The following MTOR variants were observed in gnomAD, a reference collection of about 807,000 sequenced individuals.
MTOR encodes the protein serine/threonine-protein kinase mTOR.
A neutral mutation model predicts 319.8 loss-of-function variants in MTOR; 70 were observed. The ratio of observed to expected loss-of-function variants is 0.22; its 90% CI spans 0.18 to 0.27. MTOR has a LOEUF of 0.27. Among genes scored for constraint, MTOR ranks in the 10% least tolerant of loss-of-function variants. The pLI is 1.00. For missense variants in MTOR, 1,890 were observed against 3,274.4 expected, an observed-to-expected ratio of 0.58 and a Z score of 10.32; for synonymous variants, 1,183 against 1,211.4, an observed-to-expected ratio of 0.98 and a Z score of 0.49.
At chr1:11,221,611 G>A (rs755866363) in intron 19 of MTOR, among the ~76,000 whole-genome samples, 97 of 151,068 alleles carry the variant, frequency 6.4e-4, no homozygotes, top group Non-Finnish European at 1.2e-3. Context: ...AAAGTCTACC[G>A]GGCCATGTAA....
At chr1:11,258,742 A>C (rs1378697873) in intron 2 of MTOR, 149 bp from the exon 3 acceptor site, 1 of 604,208 alleles carries the variant, frequency 1.7e-6, no homozygotes, top group East Asian at 2.8e-5. Context: ...CTATAGGATT[A>C]CACTGTAGAG....
chr1:11,154,079 A>AAAAAAAAAC, intron 30 of MTOR, among the ~76,000 whole-genome samples: 1 of 137,158 alleles, frequency 7.3e-6, no homozygotes, highest in African/African-American at 2.9e-5. Context: ...AAAAAAAAAA[A>AAAAAAAAAC]AAAAAAAAAA....
intron 25 of MTOR, 81 bp from the exon 26 acceptor site, chr1:11,204,784 T>G (rs1179077084): frequency 3.5e-6 from 5 of 1,429,612 alleles, no homozygotes; most frequent in Non-Finnish European, 3.8e-6. Context: ...TAATGATTAT[T>G]CTACTTTTAG....
At chr1:11,214,426 T>C (rs1416798085) in intron 20 of MTOR, among the ~76,000 whole-genome samples, 1 of 152,170 alleles carries the variant, frequency 6.6e-6, no homozygotes, top group African/African-American at 2.4e-5. Flanking sequence ...GGAAAAGATA[T>C]CATTTCTATC....
intron 25 of MTOR, 57 bp downstream of exon 25, chr1:11,209,255 G>T: frequency 6.2e-7 from 1 of 1,606,750 alleles, no homozygotes; most frequent in South Asian, 1.1e-5. Context: ...TAAAAGTTTT[G>T]AGTAAGTGAG....
chr1:11,147,603 A>C (rs1252712344), intron 31 of MTOR, among the ~76,000 whole-genome samples: 4 of 152,234 alleles, frequency 2.6e-5, no homozygotes, highest in African/African-American at 9.6e-5. Context: ...ACAAGCAAAT[A>C]GCTAACAATG....
chr1:11,256,242 C>G (rs1386057064), intron 4 of MTOR, 50 bp from the exon 5 acceptor site: 1 of 1,575,284 alleles, frequency 6.3e-7, no homozygotes, highest in Non-Finnish European at 8.6e-7. Flanking sequence ...GAGTTTTGTT[C>G]TCTCAGGAGT....
In MTOR at chr1:11,241,697, G is replaced by C; in HGVS notation, c.1413-16C>G. 1 of 1,606,762 alleles carries C rather than the reference G, an allele frequency of 6.2e-7. No individual in the cohort carries two copies. The highest frequency in any genetic ancestry group is 8.5e-7 in the Non-Finnish European group (1 of 1,175,014). ...CTTCTGCCTCCTGTAGAGAAATGGAGAGTGGCTAGTTGAGACATAATGACA... is the reference window on the plus strand; with the variant it reads ...CTTCTGCCTCCTGTAGAGAAATGGACAGTGGCTAGTTGAGACATAATGACA... On this transcript the variant is annotated splice_polypyrimidine_tract_variant and intron_variant, in intron 9 of 57. Transcript: ENST00000361445.
chr1:11,235,571 A>C (rs151131626), intron 13 of MTOR, among the ~76,000 whole-genome samples: 55 of 152,372 alleles, frequency 3.6e-4, no homozygotes, highest in African/African-American at 1.3e-3. Flanking sequence ...TTAAAAACAA[A>C]AAAGAGTAAT....
intron 25 of MTOR, among the ~76,000 whole-genome samples, chr1:11,205,660 A>G (rs2300095): frequency 0.63 from 95,836 of 152,138 alleles, 32,243 homozygotes; most frequent in East Asian, 0.91. Context: ...GCCTCATCTA[A>G]GGATAATGTG....
chr1:11,234,291 T>C lies in MTOR; in HGVS notation c.2209-26A>G, dbSNP rs768370598. 6.3e-6 allele frequency: 10 copies of C among 1,587,110 alleles called. No individual in the cohort carries two copies. The African/African-American group carries it at 1.4e-4, about 22-fold the overall frequency. ...CTGTAGGGAAGAAAGGCTCATATGTTCTCTATGGCAGAAGACATTCTAGAG... is the reference window on the plus strand; with the variant it reads ...CTGTAGGGAAGAAAGGCTCATATGTCCTCTATGGCAGAAGACATTCTAGAG... On this transcript the variant is annotated intron_variant, in intron 13 of 57. Coordinates refer to ENST00000361445, the MANE Select transcript of MTOR (RefSeq NM_004958.4).
At position 11,199,827 on chromosome 1, in the gene MTOR, A is replaced by G; in HGVS notation, c.3945-124T>C. 2.2e-6 allele frequency: 2 copies of G among 903,790 alleles called. No homozygotes were observed. The highest frequency in any genetic ancestry group is 3.3e-6 in the Non-Finnish European group (2 of 599,006). 56.0% of individuals were successfully genotyped at this position (903,790 alleles called of 1,614,324 possible). On this transcript the variant is annotated intron_variant, in intron 26 of 57. Coordinates refer to ENST00000361445, the MANE Select transcript of MTOR (RefSeq NM_004958.4). The surrounding 1 kb of genome is among the most constrained non-coding windows in gnomAD (Gnocchi z 4.5). ...GGTTATACAAACCAGTGCTATACAG[A>G]CCAGTGCTGTCCAAGAGAATTTTCC...
Position 11,157,177 on chromosome 1 carries a change from G to C in MTOR, c.4444C>G (p.Arg1482Gly), listed in dbSNP as rs1031980569. The change falls in exon 30 of 58, where the codon CGC becomes GGC. Residue 1482 changes from arginine to glycine, a missense_variant. By Grantham distance (125) the Arg-to-Gly change is moderately radical (BLOSUM62 -2). This residue lies in a region of MTOR where 276 missense variants were observed against 459.4 expected (regional missense o/e 0.60). Transcript: ENST00000361445. ...DDPELMLGRMRCLEALGEWGQ... is the reference protein window; with the variant it reads ...DDPELMLGRMGCLEALGEWGQ... Reference sequence around the variant, plus strand: ...CATTCCCCCAAGGCCTCGAGGCAGCGCATGCGGCCCAGCATCAGCTCTGGG... The same window carrying C: ...CATTCCCCCAAGGCCTCGAGGCAGCCCATGCGGCCCAGCATCAGCTCTGGG... The C allele has an allele frequency of 6.2e-7, 1 of 1,611,436 alleles. No homozygotes were observed. The highest frequency in any genetic ancestry group is 8.5e-7 in the Non-Finnish European group (1 of 1,178,732).
In MTOR at chr1:11,107,418, T is replaced by C. The variant is rs1180320798; in HGVS notation, c.*67A>G. The C allele has an allele frequency of 6.3e-7, 1 of 1,580,542 alleles. No homozygotes were observed. On this transcript the variant is annotated 3_prime_UTR_variant, in exon 58 of 58. Coordinates refer to ENST00000361445, the MANE Select transcript of MTOR (RefSeq NM_004958.4). ...AAACTTTCTCACCATGGTTTCAGTT[T>C]AGTGGAAGCATTTACTAAAGTACAA...
intron 24 of MTOR, 143 bp downstream of exon 24, chr1:11,210,671 A>G: frequency 1.6e-6 from 1 of 607,132 alleles, no homozygotes; most frequent in East Asian, 2.8e-5. Context: ...AAAAGAGACC[A>G]CATAGTCTAC....
chr1:11,135,489 A>G (rs1570960052), intron 36 of MTOR, among the ~76,000 whole-genome samples: 1 of 152,202 alleles, frequency 6.6e-6, no homozygotes, highest in Non-Finnish European at 1.5e-5. Context: ...CAGATAAATA[A>G]CAGTTCTCCT....
Position 11,123,090 on chromosome 1 carries a change from C to T in MTOR, c.6663-964G>A, listed in dbSNP as rs1187387804. 2.0e-5 allele frequency among the ~76,000 whole-genome samples: 3 copies of T among 152,012 alleles called. No individual in the cohort carries two copies. The East Asian group carries it at 5.8e-4, about 29-fold the overall frequency. ...CTTTCATCCCACAAGGGGTCAGACC[C>T]ATCCCATCTGTAGACTCTCCAGTCT... On this transcript the variant is annotated intron_variant, in intron 47 of 57. Transcript: ENST00000361445.
intron 28 of MTOR, among the ~76,000 whole-genome samples, chr1:11,181,270 A>G (rs1436988655): frequency 1.5e-5 from 2 of 132,028 alleles, no homozygotes; most frequent in African/African-American, 3.1e-5. Context: ...CTTCCTAAGT[A>G]AAAAAAAAAG....
At chr1:11,189,751 A>G in intron 28 of MTOR, 7 of 1,614,194 alleles carry the variant, frequency 4.3e-6, no homozygotes, top group Non-Finnish European at 5.9e-6. Context: ...CCAAGTTGCC[A>G]ACCTTAGCAG....
Sources: allele counts gnomAD v4.1 joint callset (sites outside exome capture counted in the v4.1 genomes callset), GRCh38; gene constraint gnomAD v4.1.1; regional missense constraint gnomAD v4.1.1; non-coding constraint Gnocchi (gnomAD v3.1); transcripts MANE v1.5; gene names NCBI Gene and HGNC (gene_info 2026-07-23, HGNC 2026-07-21).